The following XPO7 variants were observed in gnomAD, a reference collection of about 807,000 sequenced individuals.
The protein encoded by XPO7 is exportin 7, also known as exportin-7.
A neutral mutation model predicts 144.3 loss-of-function variants in XPO7; 21 were observed. That is an observed-to-expected ratio of 0.15 (90% confidence interval 0.10 to 0.21). XPO7 has a LOEUF of 0.21. Among genes scored for constraint, XPO7 ranks in the 10% least tolerant of loss-of-function variants. The pLI, the probability that XPO7 is intolerant of heterozygous loss-of-function variation, is 1.00. For synonymous variants in XPO7, 580 were observed against 499.6 expected (o/e 1.16, Z -2.15); for missense variants, 808 against 1,325.8 (o/e 0.61, Z 6.06).
chr8:21,931,444 C>T (rs1353585085), intron 1 of XPO7, among the ~76,000 whole-genome samples: 1 of 152,174 alleles, frequency 6.6e-6, no homozygotes, highest in Non-Finnish European at 1.5e-5. Flanking sequence ...CGTACCTGGC[C>T]CATGCCTACC....
chr8:21,940,574 A>G (rs370766185), intron 1 of XPO7, among the ~76,000 whole-genome samples: 3 of 151,720 alleles, frequency 2.0e-5, no homozygotes, highest in South Asian at 4.2e-4. Flanking sequence ...TGTTCAAGCA[A>G]TTATCCTGTC....
At chr8:21,964,697 G>C (rs559588472) in intron 1 of XPO7, among the ~76,000 whole-genome samples, 1 of 152,002 alleles carries the variant, frequency 6.6e-6, no homozygotes, top group East Asian at 1.9e-4. Flanking sequence ...CTTGTTTCCT[G>C]AGCTGAGAAC....
In XPO7 at chr8:21,980,077, C is replaced by A. The variant is rs1408459578; in HGVS notation, c.838-7C>A. On this transcript the variant is annotated splice_region_variant and splice_polypyrimidine_tract_variant and intron_variant, in intron 8 of 27. Coordinates refer to ENST00000252512, the MANE Select transcript of XPO7 (RefSeq NM_015024.5). ...ATCGTTGTGTTTGGGTTCTGCCCTG[C>A]ATTTAGGTATTATCCTGCTTGGTAC... The A allele has an allele frequency of 1.7e-5, 26 of 1,575,476 alleles. No individual in the cohort carries two copies. Among genetic ancestry groups the A allele is most frequent in the Non-Finnish European group, 2.2e-5 (25 of 1,159,334 alleles).
At chr8:21,941,446 T>C (rs1226146018) in intron 1 of XPO7, among the ~76,000 whole-genome samples, 1 of 152,290 alleles carries the variant, frequency 6.6e-6, no homozygotes, top group East Asian at 1.9e-4. Flanking sequence ...GCCACTGCAC[T>C]CAGACTCATA....
At chr8:21,959,386 G>T (rs1811645520) in intron 1 of XPO7, among the ~76,000 whole-genome samples, 1 of 152,194 alleles carries the variant, frequency 6.6e-6, no homozygotes, top group Non-Finnish European at 1.5e-5. Flanking sequence ...TGTAAAGTGG[G>T]TGTTATTTCT....
At chr8:21,985,452 G>C in intron 12 of XPO7, 134 bp from the exon 13 acceptor site, 1 of 808,638 alleles carries the variant, frequency 1.2e-6, no homozygotes, top group Non-Finnish European at 2.1e-6. Flanking sequence ...AAGCAGAGAA[G>C]TAGCCATTCT....
chr8:21,922,035 G>A (rs1810305771), intron 1 of XPO7, among the ~76,000 whole-genome samples: 1 of 152,152 alleles, frequency 6.6e-6, no homozygotes, highest in South Asian at 2.1e-4. Flanking sequence ...TTGAGGGGAG[G>A]GTGGCGGGGA....
chr8:22,004,016 G>A lies in XPO7; in HGVS notation c.3156G>A (p.Thr1052=), dbSNP rs774092633. ...LMEGIERNLL[T]KNRDRFTQNL... Reference sequence around the variant, plus strand: ...AAGGCATCGAGCGAAATCTTCTTACGAAAAACAGAGACAGGTGAGTATAAA... The same window carrying A: ...AAGGCATCGAGCGAAATCTTCTTACAAAAAACAGAGACAGGTGAGTATAAA... Residue 1052 remains threonine (T), a synonymous_variant, in exon 27 of 28, where the codon ACG becomes ACA. Coordinates refer to ENST00000252512, the MANE Select transcript of XPO7 (RefSeq NM_015024.5). 10 of 1,613,632 alleles carry A rather than the reference G, an allele frequency of 6.2e-6. No homozygotes were observed. Among genetic ancestry groups the A allele is most frequent in the African/African-American group, 5.3e-5 (4 of 74,882 alleles).
intron 25 of XPO7, 47 bp from the exon 26 acceptor site, chr8:22,003,172 T>TAGC (rs1813211744): frequency 6.8e-7 from 1 of 1,464,354 alleles, no homozygotes; most frequent in Admixed American, 2.0e-5. Context: ...TTATCTTGGG[T>TAGC]AGCAATACAT....
At chr8:21,930,750 A>G (rs1320441635) in intron 1 of XPO7, among the ~76,000 whole-genome samples, 4 of 152,236 alleles carry the variant, frequency 2.6e-5, no homozygotes, top group Non-Finnish European at 5.9e-5. Context: ...AATTACTGCA[A>G]CAATGTTATA....
intron 13 of XPO7, 83 bp downstream of exon 13, chr8:21,985,774 C>A: frequency 8.1e-7 from 1 of 1,232,030 alleles, no homozygotes. Context: ...ACTTACAGAA[C>A]GTAATCTGAA....
At chr8:21,997,544 C>G (rs1812992788) in intron 21 of XPO7, among the ~76,000 whole-genome samples, 1 of 152,132 alleles carries the variant, frequency 6.6e-6, no homozygotes, top group Non-Finnish European at 1.5e-5. Context: ...CTTGCTGGGA[C>G]TTGTGGCAGG....
rs1813300592 is a variant in XPO7 at position 22,005,548 on chromosome 8, A to C, written c.*460A>C. ...TGTGAGGGGTTGTGTATGCGAGTGAAGAAAATGTGTATTCTGGTGGCCTGA... is the reference window on the plus strand; with the variant it reads ...TGTGAGGGGTTGTGTATGCGAGTGACGAAAATGTGTATTCTGGTGGCCTGA... On this transcript the variant is annotated 3_prime_UTR_variant, in exon 28 of 28. Coordinates refer to ENST00000252512, the MANE Select transcript of XPO7 (RefSeq NM_015024.5). The C allele has an allele frequency of 6.5e-6, 1 of 152,904 alleles. No homozygotes were observed. The highest frequency in any genetic ancestry group is 6.5e-5 in the Admixed American group (1 of 15,284). 9.5% of individuals were successfully genotyped at this position (152,904 alleles called of 1,614,324 possible).
intron 1 of XPO7, among the ~76,000 whole-genome samples, chr8:21,920,102 T>A (rs1810221372): frequency 6.6e-6 from 1 of 151,624 alleles, no homozygotes; most frequent in South Asian, 2.1e-4. Flanking sequence ...GAGGCCTCCG[T>A]CAAGTCCTCG....
chr8:21,953,609 G>A (rs924214443), intron 1 of XPO7, among the ~76,000 whole-genome samples: 1 of 152,196 alleles, frequency 6.6e-6, no homozygotes, highest in Non-Finnish European at 1.5e-5. Flanking sequence ...GTCTTGTAAA[G>A]TGGCTGTACC....
At chr8:21,931,239 T>C (rs1229512208) in intron 1 of XPO7, among the ~76,000 whole-genome samples, 2 of 151,952 alleles carry the variant, frequency 1.3e-5, no homozygotes, top group African/African-American at 4.8e-5. Context: ...CTTGGCTCAC[T>C]GCAACCTCCG....
In XPO7 at chr8:22,005,622, C is replaced by CA. The variant is rs1439898318; in HGVS notation, c.*535dup. The stretch of plus-strand genomic sequence containing the variant: ...GAGAGTGCAGAGATATATTTAGTGA[C>CA]ACAGTAGAGAGGCAAAAAAAAAGCT... On this transcript the variant is annotated 3_prime_UTR_variant, in exon 28 of 28. Coordinates refer to ENST00000252512, the MANE Select transcript of XPO7 (RefSeq NM_015024.5). 6.6e-6 allele frequency: 1 copy of CA among 152,122 alleles called. No individual in the cohort carries two copies. Among genetic ancestry groups the CA allele is most frequent in the Non-Finnish European group, 1.5e-5 (1 of 68,026 alleles). The allele number at this position is 152,122 out of a possible 1,614,324, so 9.4% of individuals were successfully genotyped here.
chr8:22,004,918 TTAAAAA>T, intron 27 of XPO7, 71 bp from the exon 28 acceptor site: 1 of 758,582 alleles, frequency 1.3e-6, no homozygotes, highest in Non-Finnish European at 2.0e-6. Flanking sequence ...TTCCCATGCT[TTAAAAA>T]AAAAAAAAAA....
At chr8:21,968,568 T>C (rs776613003) in intron 2 of XPO7, among the ~76,000 whole-genome samples, 8 of 152,330 alleles carry the variant, frequency 5.3e-5, no homozygotes, top group Middle Eastern at 3.4e-3. Flanking sequence ...CTCTGCCAGC[T>C]AACTCCTGCT....
Sources: gnomAD v4.1 joint callset for allele counts (sites outside exome capture counted in the v4.1 genomes callset) on GRCh38, gnomAD v4.1.1 for gene constraint, MANE v1.5 for transcripts, NCBI Gene and HGNC (gene_info 2026-07-23, HGNC 2026-07-21) for gene names.